The following IQCJ variants were observed in gnomAD, a reference collection of about 807,000 sequenced individuals.
The protein encoded by IQCJ is IQ domain-containing protein J.
In IQCJ, 9 loss-of-function variants were observed where a neutral mutation model predicts 11.0. The observed-to-expected ratio is 0.82, with a 90% CI of 0.49 to 1.43. The LOEUF (loss-of-function observed/expected upper bound fraction) is 1.43. Ranked by LOEUF, IQCJ falls within the 40% of genes most tolerant of loss-of-function variation. The pLI is 0.00. For missense variants in IQCJ, 146 were observed against 133.2 expected (o/e 1.10, Z -0.47); for synonymous variants, 55 against 51.3 (o/e 1.07, Z -0.31).
intron 1 of IQCJ, among the ~76,000 whole-genome samples, chr3:159,179,409 C>T (rs1722964793): frequency 6.6e-6 from 1 of 152,108 alleles, no homozygotes; most frequent in African/African-American, 2.4e-5. Flanking sequence ...TTCTTGATTT[C>T]AAGGACTTTC....
intron 1 of IQCJ, among the ~76,000 whole-genome samples, chr3:159,174,356 T>G (rs1722657081): frequency 6.6e-6 from 1 of 152,074 alleles, no homozygotes; most frequent in South Asian, 2.1e-4. Context: ...GCTTTGAAAA[T>G]TATTCTCTCA....
At chr3:159,213,225 A>G (rs1725046833) in intron 1 of IQCJ, among the ~76,000 whole-genome samples, 1 of 152,218 alleles carries the variant, frequency 6.6e-6, no homozygotes, top group Admixed American at 6.5e-5. Context: ...ACTAGTTGAC[A>G]GTCAATAAAG....
At chr3:159,252,615 A>G (rs771495936) in intron 2 of IQCJ, 112 bp from the exon 3 acceptor site, 2 of 969,894 alleles carry the variant, frequency 2.1e-6, no homozygotes, top group Non-Finnish European at 2.9e-6. Flanking sequence ...ATTAAAATAA[A>G]CAAAATTGAA....
intron 1 of IQCJ, among the ~76,000 whole-genome samples, chr3:159,106,206 A>G (rs1416995698): frequency 1.3e-5 from 2 of 152,212 alleles, no homozygotes; most frequent in Non-Finnish European, 2.9e-5. Context: ...TTCAAGTGGA[A>G]GGCTGGGAGC....
intron 2 of IQCJ, among the ~76,000 whole-genome samples, chr3:159,251,766 G>A (rs1727615582): frequency 6.6e-6 from 1 of 152,080 alleles, no homozygotes; most frequent in Admixed American, 6.5e-5. Flanking sequence ...TTCTGGTGGA[G>A]AGAGCAGTGA....
At chr3:159,152,479 T>A (rs1721288054) in intron 1 of IQCJ, among the ~76,000 whole-genome samples, 1 of 152,114 alleles carries the variant, frequency 6.6e-6, no homozygotes, top group Non-Finnish European at 1.5e-5. Context: ...GGAGAGACCA[T>A]GGGTTAATAA....
At chr3:159,131,486 C>A (rs866096022) in intron 1 of IQCJ, among the ~76,000 whole-genome samples, 2 of 152,290 alleles carry the variant, frequency 1.3e-5, no homozygotes, top group African/African-American at 4.8e-5. Flanking sequence ...TCTTTGCTCT[C>A]TCTGCTTCTG....
Position 159,160,716 on chromosome 3 carries a change from T to A in IQCJ, c.10-85127T>A, listed in dbSNP as rs978375195. On this transcript the variant is annotated intron_variant, in intron 1 of 3. Transcript: ENST00000397832. ...CCCCACAACTGTCCCCAGAGTGTGA[T>A]GTTCCCCTTCCTGTGTCCATGTGTT... is the stretch of plus-strand genomic sequence containing the variant. 1.6e-4 allele frequency among the ~76,000 whole-genome samples: 20 copies of A among 126,246 alleles called. No individual in the cohort carries two copies. In the East Asian group the frequency reaches 2.0e-3, roughly 13 times the overall value. 82.8% of individuals were successfully genotyped at this position (126,246 alleles called of 152,430 possible).
intron 3 of IQCJ, among the ~76,000 whole-genome samples, chr3:159,257,100 A>G (rs1434500117): frequency 1.3e-5 from 2 of 152,184 alleles, no homozygotes; most frequent in Non-Finnish European, 2.9e-5. Context: ...TCTTTGAGCT[A>G]TTTCTGGGAT....
chr3:159,209,114 C>T (rs1724811394), intron 1 of IQCJ, among the ~76,000 whole-genome samples: 1 of 152,136 alleles, frequency 6.6e-6, no homozygotes, highest in Admixed American at 6.5e-5. Flanking sequence ...CCCTGATCTG[C>T]CACACCCCCT....
At chr3:159,116,424 TCTC>T (rs781405647) in intron 1 of IQCJ, among the ~76,000 whole-genome samples, 49 of 151,712 alleles carry the variant, frequency 3.2e-4, no homozygotes, top group Non-Finnish European at 6.8e-4. Context: ...AATTTAATCT[TCTC>T]CTCAGCAGTG....
chr3:159,093,617 G>T (rs985716920), intron 1 of IQCJ, among the ~76,000 whole-genome samples: 2 of 151,734 alleles, frequency 1.3e-5, no homozygotes, highest in Non-Finnish European at 2.9e-5. Context: ...CGGTGTATTA[G>T]TCTGTTCACA....
intron 1 of IQCJ, among the ~76,000 whole-genome samples, chr3:159,226,300 T>C (rs1156854696): frequency 6.6e-6 from 1 of 152,174 alleles, no homozygotes; most frequent in African/African-American, 2.4e-5. Flanking sequence ...CATGAAGCTA[T>C]GTAGGGGCCC....
intron 1 of IQCJ, among the ~76,000 whole-genome samples, chr3:159,144,011 C>T (rs1577037694): frequency 6.6e-6 from 1 of 152,152 alleles, no homozygotes; most frequent in South Asian, 2.1e-4. Flanking sequence ...CCTGTGCCCT[C>T]AAGTCCTTTT....
chr3:159,128,200 C>T (rs955151949), intron 1 of IQCJ, among the ~76,000 whole-genome samples: 1 of 152,140 alleles, frequency 6.6e-6, no homozygotes, highest in African/African-American at 2.4e-5. Context: ...ATTCATGGGA[C>T]AATGGGCTGA....
At chr3:159,120,568 A>C (rs763813250) in intron 1 of IQCJ, among the ~76,000 whole-genome samples, 7 of 152,234 alleles carry the variant, frequency 4.6e-5, no homozygotes, top group Non-Finnish European at 8.8e-5. Flanking sequence ...TTAGGAAAAC[A>C]GGACTTGGTG....
chr3:159,218,886 A>G (rs1725384054), intron 1 of IQCJ, among the ~76,000 whole-genome samples: 1 of 152,072 alleles, frequency 6.6e-6, no homozygotes, highest in African/African-American at 2.4e-5. Context: ...CGTTCCTTCC[A>G]GAGGCTCTAG....
intron 1 of IQCJ, among the ~76,000 whole-genome samples, chr3:159,128,997 C>G (rs1301356595): frequency 6.6e-6 from 1 of 152,046 alleles, no homozygotes; most frequent in Admixed American, 6.6e-5. Context: ...AAAATCTTAT[C>G]CACTGCTAAA....
Position 159,262,567 on chromosome 3 carries a change from G to A in IQCJ, c.175G>A (p.Glu59Lys). The change falls in exon 4 of 4, where the codon GAG becomes AAG. Residue 59 changes from glutamate (E) to lysine (K), a missense_variant. Physicochemically the swap from Glu to Lys is moderately conservative, Grantham distance 56 (BLOSUM62 1). Transcript: ENST00000397832. The stretch of plus-strand genomic sequence containing the variant: ...TTTCAGCATTCAGCGAGCATGGCGA[G>A]AGTACCTGCAGCGGCAGGAGCCCCT... ...KVKIIQRAWR[E>K]YLQRQEPLGK... The A allele has an allele frequency of 6.2e-7, 1 of 1,613,672 alleles. No individual in the cohort carries two copies. Among genetic ancestry groups the A allele is most frequent in the Non-Finnish European group, 8.5e-7 (1 of 1,179,702 alleles).
Sources: allele counts gnomAD v4.1 joint callset (sites outside exome capture counted in the v4.1 genomes callset), GRCh38; gene constraint gnomAD v4.1.1; transcripts MANE v1.5; gene names NCBI Gene and HGNC (gene_info 2026-07-23, HGNC 2026-07-21).